Variants in SGCD observed in about 807,000 individuals in gnomAD.
SGCD encodes the protein sarcoglycan delta.
Under a neutral mutation model 36.6 loss-of-function variants are expected in SGCD, and 18 were observed. The observed-to-expected ratio is 0.49, with a 90% CI of 0.34 to 0.73. The LOEUF is 0.73. Ranked by LOEUF, SGCD falls within the 30% of genes least tolerant of loss-of-function variation. The pLI, the probability that SGCD is intolerant of heterozygous loss-of-function variation, is 0.01. For synonymous variants in SGCD, 133 were observed against 130.6 expected (o/e 1.02, Z -0.12); for missense variants, 387 against 346.7 (o/e 1.12, Z -0.92).
chr5:155,796,717 A>G, the SGCD span, among the ~76,000 whole-genome samples: 9 of 149,228 alleles, frequency 6.0e-5, no homozygotes, highest in African/African-American at 2.3e-4. Flanking sequence ...GAGGCAGGGG[A>G]ATCGCTTGAA....
At chr5:156,503,260 G>A (rs1756533015) in intron 3 of SGCD, among the ~76,000 whole-genome samples, 1 of 151,848 alleles carries the variant, frequency 6.6e-6, no homozygotes, top group Non-Finnish European at 1.5e-5. Context: ...TTCTCTTTTT[G>A]TAACTCGTCA....
At chr5:156,269,682 T>C (rs1333354434) in intron 3 of SGCD, among the ~76,000 whole-genome samples, 3 of 152,074 alleles carry the variant, frequency 2.0e-5, no homozygotes, top group Non-Finnish European at 4.4e-5. Flanking sequence ...TCAGTTCCTT[T>C]GCATGTCCAT....
intron 1 of SGCD, among the ~76,000 whole-genome samples, chr5:155,931,709 T>G (rs1325288640): frequency 6.6e-6 from 1 of 152,216 alleles, no homozygotes; most frequent in African/African-American, 2.4e-5. Context: ...TTAGCTACCC[T>G]TAGCATTTCA....
chr5:155,979,749 C>T lies in SGCD; in HGVS notation c.-282+109325C>T, dbSNP rs112965085. 5.3e-5 allele frequency among the ~76,000 whole-genome samples: 8 copies of T among 152,274 alleles called. 1 individual carries two copies. The highest frequency in any genetic ancestry group is 1.9e-4 in the African/African-American group (8 of 41,558). ...TGAGGGCTGTCTGCTGGAAGAATTC[C>T]TGGCAGCTGGGTGAATGAATCCTTC... is the stretch of plus-strand genomic sequence containing the variant. On this transcript the variant is annotated intron_variant, in intron 1 of 9. Coordinates refer to the SGCD transcript ENST00000517913.
rs186299193 is a variant in SGCD, at chr5:156,073,413, G to T, written c.-281-44465G>T. 2.0e-3 allele frequency among the ~76,000 whole-genome samples: 310 copies of T among 152,166 alleles called. 1 individual carries two copies. Among genetic ancestry groups the T allele is most frequent in the African/African-American group, 7.2e-3 (301 of 41,546 alleles). On this transcript the variant is annotated intron_variant, in intron 1 of 9. Coordinates refer to the SGCD transcript ENST00000517913. ...CCTCTACAAAAATTGGCCAAAAAAA[G>T]TTAGCTAGGAATGATGGTTTATGCC...
chr5:156,423,204 T>A (rs1185256695), intron 3 of SGCD, among the ~76,000 whole-genome samples: 6 of 111,414 alleles, frequency 5.4e-5, no homozygotes, highest in African/African-American at 3.8e-5. Flanking sequence ...ATATTATATT[T>A]TATTATAATA....
intron 6 of SGCD, among the ~76,000 whole-genome samples, chr5:156,645,195 A>G (rs539083157): frequency 3.2e-4 from 49 of 152,288 alleles, no homozygotes; most frequent in African/African-American, 1.1e-3. Flanking sequence ...GTTTATGAAC[A>G]TTTATTGCCA....
intron 3 of SGCD, among the ~76,000 whole-genome samples, chr5:156,462,447 C>G (rs1754526314): frequency 1.3e-5 from 2 of 152,102 alleles, no homozygotes; most frequent in African/African-American, 4.8e-5. Context: ...TCTTACTTAA[C>G]TATTGGAGAA....
At chr5:155,821,548 C>T in the SGCD span, among the ~76,000 whole-genome samples, 3 of 152,134 alleles carry the variant, frequency 2.0e-5, no homozygotes, top group Non-Finnish European at 4.4e-5. Context: ...CTCCTGACCT[C>T]GTGATCCACT....
intron 1 of SGCD, among the ~76,000 whole-genome samples, chr5:156,102,027 G>A (rs556218455): frequency 5.4e-4 from 81 of 151,022 alleles, no homozygotes; most frequent in Non-Finnish European, 8.7e-4. Flanking sequence ...TGGACTCATA[G>A]CATTTTTACT....
At chr5:156,100,197 G>A (rs1179416638) in intron 1 of SGCD, among the ~76,000 whole-genome samples, 1 of 151,942 alleles carries the variant, frequency 6.6e-6, no homozygotes. Context: ...GTTAAATGGT[G>A]GTATGTGTTA....
At chr5:156,619,134 G>C (rs577742709) in intron 6 of SGCD, among the ~76,000 whole-genome samples, 1 of 150,518 alleles carries the variant, frequency 6.6e-6, no homozygotes, top group East Asian at 2.0e-4. Context: ...CACGCCATTC[G>C]CCTGCCTCAG....
In SGCD at chr5:156,763,212, C is replaced by T. The variant is rs1030892834; in HGVS notation, c.*3822C>T. The T allele has an allele frequency of 6.6e-6, 1 of 152,662 alleles. No homozygotes were observed. Among genetic ancestry groups the T allele is most frequent in the Non-Finnish European group, 1.5e-5 (1 of 68,078 alleles). 9.5% of individuals were successfully genotyped at this position (152,662 alleles called of 1,614,324 possible). On this transcript the variant is annotated 3_prime_UTR_variant, in exon 9 of 9. Coordinates refer to ENST00000337851, the MANE Select transcript of SGCD (RefSeq NM_000337.6). Reference sequence around the variant, plus strand: ...AACCTTAGAATCTGTTTCCTGTAGGCTCTTTCTGCTGTCTATATTCATTAA... The same window carrying T: ...AACCTTAGAATCTGTTTCCTGTAGGTTCTTTCTGCTGTCTATATTCATTAA...
Position 156,558,125 on chromosome 5 carries a change from T to TATA in SGCD, c.295-31104_295-31103insAAT, listed in dbSNP as rs56304932. On this transcript the variant is annotated intron_variant, in intron 4 of 8. Coordinates refer to ENST00000337851, the MANE Select transcript of SGCD (RefSeq NM_000337.6). The stretch of plus-strand genomic sequence containing the variant: ...TATATATATATATATATATATATAT[T>TATA]ATTTAACTCTCTTTTAAAGGCAGTT... Among the ~76,000 whole-genome samples, 646 of 107,732 alleles carry TATA rather than the reference T, an allele frequency of 6.0e-3. 22 individuals carry two copies. The highest frequency in any genetic ancestry group is 8.1e-3 in the South Asian group (29 of 3,564). The allele number at this position is 107,732 out of a possible 152,430, so 70.7% of individuals were successfully genotyped here. A position where few individuals can be genotyped will look rare whatever the true frequency, so the allele number is the denominator to read the frequency against.
intron 7 of SGCD, among the ~76,000 whole-genome samples, chr5:156,734,574 A>G (rs1290149892): frequency 6.6e-6 from 1 of 152,132 alleles, no homozygotes; most frequent in Non-Finnish European, 1.5e-5. Flanking sequence ...GGTTTTCATC[A>G]TTCCATTTCA....
chr5:156,593,690 T>C (rs1006507379), intron 5 of SGCD, among the ~76,000 whole-genome samples: 17 of 152,316 alleles, frequency 1.1e-4, no homozygotes, highest in Admixed American at 1.1e-3. Context: ...CTTTCTGAGA[T>C]GCCCTATGGT....
At chr5:155,875,684 T>C (rs1755752240) in intron 1 of SGCD, among the ~76,000 whole-genome samples, 1 of 151,618 alleles carries the variant, frequency 6.6e-6, no homozygotes, top group Non-Finnish European at 1.5e-5. Flanking sequence ...TTTTACCCCC[T>C]CTTTATAGCC....
At chr5:156,412,062 C>T (rs1772791193) in intron 3 of SGCD, among the ~76,000 whole-genome samples, 1 of 152,154 alleles carries the variant, frequency 6.6e-6, no homozygotes, top group South Asian at 2.1e-4. Flanking sequence ...AATTTTTAGT[C>T]GTGCATTCTA....
chr5:156,345,935 TG>T (rs1191593375), intron 3 of SGCD, among the ~76,000 whole-genome samples: 2 of 152,070 alleles, frequency 1.3e-5, no homozygotes, highest in Non-Finnish European at 2.9e-5. Flanking sequence ...CTGTCTTCCC[TG>T]TCTGGTAAAA....
Sources: allele counts gnomAD v4.1 joint callset (sites outside exome capture counted in the v4.1 genomes callset), GRCh38; gene constraint gnomAD v4.1.1; transcripts MANE v1.5; gene names NCBI Gene and HGNC (gene_info 2026-07-23, HGNC 2026-07-21).